COL5A3: variants seen among roughly 807,000 people sequenced by gnomAD.
The protein encoded by COL5A3 is collagen type V alpha 3 chain, also known as collagen alpha-3(V) chain.
In COL5A3, 172 loss-of-function variants were observed where a neutral mutation model predicts 250.0. The ratio of observed to expected loss-of-function variants is 0.69; its 90% confidence interval spans 0.61 to 0.78. COL5A3 has a LOEUF of 0.78. COL5A3 is among the 30% of genes least tolerant of loss of function. The probability of loss-of-function intolerance (pLI) is 0.00; values close to 1 mark genes in which losing one functional copy is unlikely to be tolerated. For missense variants in COL5A3, 2,340 were observed against 2,334.4 expected (o/e 1.00, Z -0.05); for synonymous variants, 937 against 900.4 (o/e 1.04, Z -0.73).
At chr19:9,966,806 G>T in intron 62 of COL5A3, 60 bp from the exon 63 acceptor site, 2 of 1,338,430 alleles carry the variant, frequency 1.5e-6, no homozygotes, top group Non-Finnish European at 2.0e-6. Context: ...GAGAGAGGGA[G>T]AAAGAGAGAC....
intron 46 of COL5A3, 27 bp downstream of exon 46, chr19:9,974,274 G>C: frequency 2.5e-6 from 4 of 1,610,970 alleles, no homozygotes; most frequent in Non-Finnish European, 2.5e-6. Context: ...AGAATCAGAA[G>C]TGCCACCCCC....
chr19:9,975,188 G>C (rs1021566633), intron 45 of COL5A3, among the ~76,000 whole-genome samples: 20 of 151,934 alleles, frequency 1.3e-4, no homozygotes, highest in African/African-American at 4.8e-4. Context: ...AATTCTCCTG[G>C]CACAGCCTCC....
chr19:9,975,690 G>T (rs188421878), intron 45 of COL5A3, among the ~76,000 whole-genome samples: 1 of 151,954 alleles, frequency 6.6e-6, no homozygotes, highest in South Asian at 2.1e-4. Context: ...GTTGGGTTGG[G>T]ACTGGGCAGG....
chr19:9,996,958 C>CGG, intron 11 of COL5A3: 1 of 533,194 alleles, frequency 1.9e-6, no homozygotes. Flanking sequence ...GAGACAGAAA[C>CGG]AGAGAGACAG....
chr19:9,966,426 C>A lies in COL5A3; in HGVS notation c.4670G>T (p.Gly1557Val). 1 of 1,593,590 alleles carries A rather than the reference C, an allele frequency of 6.3e-7. No individual in the cohort carries two copies. Among genetic ancestry groups the A allele is most frequent in the Non-Finnish European group, 8.6e-7 (1 of 1,167,056 alleles). Residue 1557 changes from glycine to valine, a missense_variant and splice_region_variant, in exon 64 of 67, where the codon GGG becomes GTG. Gly to Val is a moderately radical substitution (Grantham distance 109). This residue lies in a region of COL5A3 where 1,179 missense variants were observed against 1,162.6 expected (regional missense o/e 1.01). Transcript: ENST00000264828. ...CTGGTTGGGGTCAATCCAGTATTCCCCTGCCGCAGAGCCAGGCAGGGTGGG... is the reference window on the plus strand; with the variant it reads ...CTGGTTGGGGTCAATCCAGTATTCCACTGCCGCAGAGCCAGGCAGGGTGGG... ...LHRNHPHLPDGEYWIDPNQGC... is the reference protein window; with the variant it reads ...LHRNHPHLPDVEYWIDPNQGC...
rs865830786 is a variant in COL5A3, at chr19:10,005,568, T to C, written c.584A>G (p.Lys195Arg). ...TCACTGAACTCCTACCTCGAAAGTC[T>C]TTTCCCCAAGGTCCTGGGTCCCCAG... ...TVLGTQDLGE[K>R]TFEGDIQELL... The change falls in exon 4 of 67, where the codon AAG (lysine) becomes AGG (arginine). Residue 195 changes from lysine to arginine, a missense_variant. Around this residue, in one of 3 missense-constraint regions of COL5A3, gnomAD observed 1,152 missense variants for 1,146.3 expected, o/e 1.00. Coordinates refer to ENST00000264828, the MANE Select transcript of COL5A3 (RefSeq NM_015719.4). 5 of 1,613,908 alleles carry C rather than the reference T, an allele frequency of 3.1e-6. No homozygotes were observed. Among genetic ancestry groups the C allele is most frequent in the Non-Finnish European group, 4.2e-6 (5 of 1,179,944 alleles).
At chr19:9,989,262 A>G in intron 26 of COL5A3, 60 bp downstream of exon 26, 6 of 1,611,386 alleles carry the variant, frequency 3.7e-6, no homozygotes, top group Non-Finnish European at 5.1e-6. Flanking sequence ...GTGGCCCCTG[A>G]CTGCAGGCCC....
At chr19:9,991,914 G>T (rs545304125) in intron 22 of COL5A3, 73 bp from the exon 23 acceptor site, 74 of 1,575,134 alleles carry the variant, frequency 4.7e-5, no homozygotes, top group Admixed American at 3.3e-4. Context: ...ATTGACTTGG[G>T]GGGGGTCAGT....
At chr19:9,992,230 C>T (rs1347723070) in intron 21 of COL5A3, among the ~76,000 whole-genome samples, 182 bp from the exon 22 acceptor site, 7 of 151,884 alleles carry the variant, frequency 4.6e-5, no homozygotes, top group Admixed American at 2.0e-4. Flanking sequence ...TAAGACCAGC[C>T]TGGCCAACAT....
Position 9,979,124 on chromosome 19 carries a change from T to C in COL5A3, c.2874+8A>G, listed in dbSNP as rs2086967318. 1 of 1,555,860 alleles carries C rather than the reference T, an allele frequency of 6.4e-7. No individual in the cohort carries two copies. Among genetic ancestry groups the C allele is most frequent in the Non-Finnish European group, 8.7e-7 (1 of 1,150,262 alleles). On this transcript the variant is annotated splice_region_variant and intron_variant, in intron 39 of 66. Coordinates refer to ENST00000264828, the MANE Select transcript of COL5A3 (RefSeq NM_015719.4). ...TTCAACCAAGATCTCCAGTGGACAG[T>C]GTCTCACCTTGGCCCCCTCTCTGCC...
In COL5A3 at chr19:9,969,385, C is replaced by A; in HGVS notation, c.4116G>T (p.Leu1372=). ...IPGPVGEPGL[L]GAPGQMGPPG... ...GAGGGCCCATCTGTCCAGGGGCTCC[C>A]AGGAGGCCTGGTTCACCCTGAGAAT... The change falls in exon 57 of 67, where the codon CTG becomes CTT. Residue 1372 remains leucine, a synonymous_variant. Coordinates refer to ENST00000264828, the MANE Select transcript of COL5A3 (RefSeq NM_015719.4). The A allele has an allele frequency of 6.2e-7, 1 of 1,607,602 alleles. No individual in the cohort carries two copies. Among genetic ancestry groups the A allele is most frequent in the Non-Finnish European group, 8.5e-7 (1 of 1,177,588 alleles).
In COL5A3 at chr19:9,991,615, C is replaced by T. The variant is rs931809709; in HGVS notation, c.1987G>A (p.Glu663Lys). Reference sequence around the variant, plus strand: ...TAGGTGGAGCTGTCACTCACCTTCTCCCCAGGAGTGCCAATGAGTCCCTGG... The same window carrying T: ...TAGGTGGAGCTGTCACTCACCTTCTTCCCAGGAGTGCCAATGAGTCCCTGG... ...GPQGLIGTPG[E>K]KGPPGNPGIP... The change falls in exon 24 of 67, where the codon GAG becomes AAG. Residue 663 changes from glutamate to lysine, a missense_variant. Coordinates refer to ENST00000264828, the MANE Select transcript of COL5A3 (RefSeq NM_015719.4). 6.3e-7 allele frequency: 1 copy of T among 1,598,330 alleles called. No individual in the cohort carries two copies. Among genetic ancestry groups the T allele is most frequent in the African/African-American group, 1.3e-5 (1 of 74,476 alleles).
At chr19:10,004,810 A>T (rs1012247654) in intron 4 of COL5A3, among the ~76,000 whole-genome samples, 9 of 152,168 alleles carry the variant, frequency 5.9e-5, no homozygotes, top group African/African-American at 1.7e-4. Context: ...CACACAACAC[A>T]GCTGCCTGCT....
intron 53 of COL5A3, 51 bp downstream of exon 53, chr19:9,970,924 T>A: frequency 4.6e-6 from 6 of 1,300,668 alleles, no homozygotes; most frequent in South Asian, 2.9e-5. Context: ...CACTCACTCA[T>A]TAGCTCCCCA....
intron 54 of COL5A3, among the ~76,000 whole-genome samples, chr19:9,970,172 GGTC>G (rs1285247734): frequency 5.4e-5 from 6 of 111,894 alleles, no homozygotes; most frequent in African/African-American, 1.8e-4. Flanking sequence ...GGGTGAGTGG[GGTC>G]TGTGGGTGAG....
In COL5A3 at chr19:9,974,428, G is replaced by A; in HGVS notation, c.3343-20C>T. Reference sequence around the variant, plus strand: ...TGCTCCCTGGAAGAACACAAACAGGGGCACATTTAAGGTCTGGGTCAGTGA... The same window carrying A: ...TGCTCCCTGGAAGAACACAAACAGGAGCACATTTAAGGTCTGGGTCAGTGA... On this transcript the variant is annotated intron_variant, in intron 45 of 66. Coordinates refer to ENST00000264828, the MANE Select transcript of COL5A3 (RefSeq NM_015719.4). 3.2e-6 allele frequency: 5 copies of A among 1,554,568 alleles called. No individual in the cohort carries two copies. Among genetic ancestry groups the A allele is most frequent in the Admixed American group, 2.0e-5 (1 of 50,396 alleles).
rs760554651 is a variant in COL5A3, at chr19:9,968,696, G to A, written c.4185C>T (p.Asp1395=). The change falls in exon 58 of 67, where the codon GAC becomes GAT. Residue 1395 remains aspartate (D), a synonymous_variant. Coordinates refer to ENST00000264828, the MANE Select transcript of COL5A3 (RefSeq NM_015719.4). This position sits in a 1 kb window ranked among gnomAD's most constrained non-coding sequence, Gnocchi z 4.1. ...GPSGLPGLKG[D]TGPKGEKGHI... ...TTACCTTTTCCCCCTTGGGGCCAGT[G>A]TCTCCCTTCAGCCCTGGGAGGCCAG... The A allele has an allele frequency of 2.5e-6, 4 of 1,606,906 alleles. No homozygotes were observed. Among genetic ancestry groups the A allele is most frequent in the African/African-American group, 1.3e-5 (1 of 74,780 alleles).
chr19:10,003,123 C>A (rs1372056665), intron 6 of COL5A3, among the ~76,000 whole-genome samples: 1 of 152,176 alleles, frequency 6.6e-6, no homozygotes, highest in Non-Finnish European at 1.5e-5. Flanking sequence ...TAATGACTCT[C>A]CCAATGAATA....
chr19:9,982,279 C>G (rs1316427768), intron 31 of COL5A3, among the ~76,000 whole-genome samples, 161 bp from the exon 32 acceptor site: 1 of 152,040 alleles, frequency 6.6e-6, no homozygotes. Flanking sequence ...CTCTTCTCTC[C>G]TCTCCCCTCC....
Sources: allele counts gnomAD v4.1 joint callset (sites outside exome capture counted in the v4.1 genomes callset), GRCh38; gene constraint gnomAD v4.1.1; regional missense constraint gnomAD v4.1.1; non-coding constraint Gnocchi (gnomAD v3.1); transcripts MANE v1.5; gene names NCBI Gene and HGNC (gene_info 2026-07-23, HGNC 2026-07-21).